The following HRK variants were observed in gnomAD, a reference collection of about 807,000 sequenced individuals.
HRK encodes the protein activator of apoptosis harakiri.
A neutral mutation model predicts 5.9 loss-of-function variants in HRK; 6 were observed. The ratio of observed to expected loss-of-function variants is 1.02; its 90% CI spans 0.56 to 2.01. The LOEUF (loss-of-function observed/expected upper bound fraction) is 2.01. Among genes scored for constraint, HRK ranks in the 30% most tolerant of loss-of-function variants. The probability of loss-of-function intolerance (pLI) is 0.00; values close to 1 mark genes in which losing one functional copy is unlikely to be tolerated. For missense variants in HRK, 133 were observed against 128.3 expected, an observed-to-expected ratio of 1.04 and a Z score of -0.18; for synonymous variants, 85 against 65.1, an observed-to-expected ratio of 1.31 and a Z score of -1.47.
At position 116,858,540 on chromosome 12, in the gene HRK, C is replaced by G; in HGVS notation, c.*2983G>C. On this transcript the variant is annotated 3_prime_UTR_variant, in exon 2 of 2. Coordinates refer to ENST00000257572, the MANE Select transcript of HRK (RefSeq NM_003806.4). ...CTCATTATGCAGCAAGCTACCTAAA[C>G]GATGATCTCAGAGGCCTCCCTCTGC... 1 of 140,988 alleles carries G rather than the reference C, an allele frequency of 7.1e-6. No individual in the cohort carries two copies. The highest frequency in any genetic ancestry group is 1.5e-5 in the Non-Finnish European group (1 of 65,426). The allele number at this position is 140,988 out of a possible 1,614,324, so 8.7% of individuals were successfully genotyped here.
chr12:116,866,848 A>G (rs979430164), intron 1 of HRK, among the ~76,000 whole-genome samples: 6 of 152,190 alleles, frequency 3.9e-5, no homozygotes, highest in African/African-American at 1.4e-4. Context: ...CAAACAAACA[A>G]AAAATACAGA....
rs937907604 is a variant in HRK, at chr12:116,858,702, T to A, written c.*2821A>T. On this transcript the variant is annotated 3_prime_UTR_variant, in exon 2 of 2. Coordinates refer to ENST00000257572, the MANE Select transcript of HRK (RefSeq NM_003806.4). ...TCCCTCCCTTTCTCTCTCTCTCTCT[T>A]CACAGACGCTCTGCAGTGAAGCTAA... is the stretch of plus-strand genomic sequence containing the variant. 1 of 151,290 alleles carries A rather than the reference T, an allele frequency of 6.6e-6. No individual in the cohort carries two copies. Among genetic ancestry groups the A allele is most frequent in the African/African-American group, 2.4e-5 (1 of 41,114 alleles). The allele number at this position is 151,290 out of a possible 1,614,324, so 9.4% of individuals were successfully genotyped here.
chr12:116,868,753 A>G (rs777586377), intron 1 of HRK, among the ~76,000 whole-genome samples: 9 of 152,176 alleles, frequency 5.9e-5, no homozygotes, highest in East Asian at 1.9e-4. Context: ...GGCGGTTTGC[A>G]TCTTTCTGGG....
At chr12:116,869,289 T>G (rs1051895210) in intron 1 of HRK, among the ~76,000 whole-genome samples, 4 of 152,166 alleles carry the variant, frequency 2.6e-5, no homozygotes, top group African/African-American at 9.7e-5. Flanking sequence ...GCCTATGGAC[T>G]CAATTTTACA....
chr12:116,864,278 G>A (rs1313287931), intron 1 of HRK, among the ~76,000 whole-genome samples: 1 of 152,142 alleles, frequency 6.6e-6, no homozygotes, highest in Non-Finnish European at 1.5e-5. Flanking sequence ...GGAGAGACAG[G>A]AACACTTATT....
At chr12:116,873,171 T>C (rs1000439156) in intron 1 of HRK, among the ~76,000 whole-genome samples, 3 of 152,220 alleles carry the variant, frequency 2.0e-5, no homozygotes, top group Non-Finnish European at 4.4e-5. Flanking sequence ...AGTCTCATTA[T>C]GTCACCCAGG....
chr12:116,860,705 T>A lies in HRK; in HGVS notation c.*818A>T. The A allele has an allele frequency of 1.0e-5, 1 of 98,326 alleles. No homozygotes were observed. Among genetic ancestry groups the A allele is most frequent in the African/African-American group, 2.7e-5 (1 of 37,734 alleles). The allele number at this position is 98,326 out of a possible 1,614,324, so 6.1% of individuals were successfully genotyped here. On this transcript the variant is annotated 3_prime_UTR_variant, in exon 2 of 2. Transcript: ENST00000257572. ...TCTCAAGTGGCACTTTTGCAACTTG[T>A]CCCTTAAAAAAAAAAAAAAAAGAAT...
chr12:116,861,390 G>A lies in HRK; in HGVS notation c.*133C>T, dbSNP rs1026012657. The A allele has an allele frequency of 2.0e-5, 3 of 152,310 alleles. No homozygotes were observed. Among genetic ancestry groups the A allele is most frequent in the Non-Finnish European group, 2.9e-5 (2 of 68,044 alleles). The allele number at this position is 152,310 out of a possible 1,614,324, so 9.4% of individuals were successfully genotyped here. ...CCACTTCCTTCTCGAAGTGCCAACC[G>A]CGGCCTTTCAAGCTCTGGGCTCCCC... On this transcript the variant is annotated 3_prime_UTR_variant, in exon 2 of 2. Coordinates refer to ENST00000257572, the MANE Select transcript of HRK (RefSeq NM_003806.4).
At chr12:116,868,200 C>G (rs2137247719) in intron 1 of HRK, among the ~76,000 whole-genome samples, 1 of 152,086 alleles carries the variant, frequency 6.6e-6, no homozygotes, top group South Asian at 2.1e-4. Flanking sequence ...AAGTGATCCT[C>G]CTGCCCCAGC....
chr12:116,858,637 A>G lies in HRK; in HGVS notation c.*2886T>C, dbSNP rs1217327937. The stretch of plus-strand genomic sequence containing the variant: ...ACACACACACACTGCTGTCTGCTGA[A>G]ACCCGATATGAGGTCTTTTTTAAAA... On this transcript the variant is annotated 3_prime_UTR_variant, in exon 2 of 2. Coordinates refer to ENST00000257572, the MANE Select transcript of HRK (RefSeq NM_003806.4). The G allele has an allele frequency of 2.0e-5, 3 of 149,654 alleles. No homozygotes were observed. Among genetic ancestry groups the G allele is most frequent in the African/African-American group, 7.4e-5 (3 of 40,398 alleles). The allele number at this position is 149,654 out of a possible 1,614,324, so 9.3% of individuals were successfully genotyped here.
chr12:116,881,029 T>C lies in HRK; in HGVS notation c.*3A>G. 3.0e-6 allele frequency: 4 copies of C among 1,324,168 alleles called. No homozygotes were observed. Among genetic ancestry groups the C allele is most frequent in the South Asian group, 2.0e-5 (1 of 51,166 alleles). The allele number at this position is 1,324,168 out of a possible 1,614,324, so 82.0% of individuals were successfully genotyped here. On this transcript the variant is annotated 3_prime_UTR_variant, in exon 1 of 2. Transcript: ENST00000257572. Reference sequence around the variant, plus strand: ...TCCGGCCCCACCAAGAAGCCCCGCGTTCCTACAAGTTCCGCCTGCCGAGCA... The same window carrying C: ...TCCGGCCCCACCAAGAAGCCCCGCGCTCCTACAAGTTCCGCCTGCCGAGCA...
At chr12:116,880,952 G>C (rs1048614076) in intron 1 of HRK, 24 bp downstream of exon 1, 1 of 1,112,058 alleles carries the variant, frequency 9.0e-7, no homozygotes, top group Non-Finnish European at 1.1e-6. Context: ...CCGCGCCCCG[G>C]CTCTCGCTCG....
chr12:116,875,190 A>C (rs967438316), intron 1 of HRK, among the ~76,000 whole-genome samples: 13 of 152,190 alleles, frequency 8.5e-5, no homozygotes, highest in Non-Finnish European at 1.9e-4. Context: ...ATATGCAAAC[A>C]CTACACCATT....
intron 1 of HRK, chr12:116,869,614 C>A (rs755713228): frequency 6.6e-6 from 1 of 152,188 alleles, no homozygotes; most frequent in Non-Finnish European, 1.5e-5. Context: ...ATGTGAAAGT[C>A]GGCCTGACTC....
intron 1 of HRK, among the ~76,000 whole-genome samples, chr12:116,877,246 A>G (rs1255907187): frequency 2.0e-5 from 3 of 149,344 alleles, no homozygotes; most frequent in African/African-American, 7.5e-5. Flanking sequence ...GGTACAGACA[A>G]GGTTTCACCA....
At position 116,856,200 on chromosome 12, in the gene HRK, C is replaced by T. The variant is rs1462393839; in HGVS notation, c.*5323G>A. ...CATTACAAATATGTACAAAGCGTCT[C>T]CAAGGTATGAAATTCCTCTTACAAA... is the stretch of plus-strand genomic sequence containing the variant. On this transcript the variant is annotated 3_prime_UTR_variant, in exon 2 of 2. Transcript: ENST00000257572. This position sits in a 1 kb window ranked among gnomAD's most constrained non-coding sequence, Gnocchi z 4.4. The T allele has an allele frequency of 6.6e-6, 1 of 152,200 alleles. No homozygotes were observed. The highest frequency in any genetic ancestry group is 2.4e-5 in the African/African-American group (1 of 41,442). The allele number at this position is 152,200 out of a possible 1,614,324, so 9.4% of individuals were successfully genotyped here. A position where few individuals can be genotyped will look rare whatever the true frequency, so the allele number is the denominator to read the frequency against.
intron 1 of HRK, among the ~76,000 whole-genome samples, chr12:116,864,870 C>T (rs118151938): frequency 5.9e-5 from 9 of 152,282 alleles, no homozygotes; most frequent in Non-Finnish European, 1.2e-4. Context: ...AGTCCATCAA[C>T]CCCTGTGAGC....
At position 116,881,408 on chromosome 12, in the gene HRK, T is replaced by TC; in HGVS notation, c.-102dup. The TC allele has an allele frequency of 1.1e-6, 1 of 939,862 alleles. No homozygotes were observed. Among genetic ancestry groups the TC allele is most frequent in the Non-Finnish European group, 1.3e-6 (1 of 785,848 alleles). 58.2% of individuals were successfully genotyped at this position (939,862 alleles called of 1,614,324 possible). ...CGCCGCGCTCCAGCCGCCGGGGGCC[T>TC]CCCCTGGACACCAAGTTTCTCCTTG... is the stretch of plus-strand genomic sequence containing the variant. On this transcript the variant is annotated 5_prime_UTR_variant, in exon 1 of 2. Transcript: ENST00000257572.
At chr12:116,872,897 AAGAG>A (rs913281800) in intron 1 of HRK, among the ~76,000 whole-genome samples, 6 of 106,096 alleles carry the variant, frequency 5.7e-5, no homozygotes, top group African/African-American at 1.7e-4. Context: ...GAGGGAAAGA[AAGAG>A]AGAAAAAGAG....
Sources: allele counts gnomAD v4.1 joint callset (sites outside exome capture counted in the v4.1 genomes callset), GRCh38; gene constraint gnomAD v4.1.1; non-coding constraint Gnocchi (gnomAD v3.1); transcripts MANE v1.5; gene names NCBI Gene and HGNC (gene_info 2026-07-23, HGNC 2026-07-21).